Variants in ABCB1 observed in about 807,000 individuals in gnomAD.
ABCB1 encodes ATP binding cassette subfamily B member 1, also known as ATP-dependent translocase ABCB1.
A neutral mutation model predicts 142.0 loss-of-function variants in ABCB1; 69 were observed. The ratio of observed to expected loss-of-function variants is 0.49; its 90% confidence interval spans 0.40 to 0.59. ABCB1 has a LOEUF of 0.59. Among genes scored for constraint, ABCB1 ranks in the 20% least tolerant of loss-of-function variants. The probability of loss-of-function intolerance (pLI) is 0.00; values close to 1 mark genes in which losing one functional copy is unlikely to be tolerated. For missense variants in ABCB1, 1,326 were observed against 1,554.7 expected, an observed-to-expected ratio of 0.85 and a Z score of 2.47; for synonymous variants, 532 against 539.2, an observed-to-expected ratio of 0.99 and a Z score of 0.18.
intron 5 of ABCB1, among the ~76,000 whole-genome samples, chr7:87,567,731 T>C (rs1255665386): frequency 6.6e-6 from 1 of 152,162 alleles, no homozygotes; most frequent in East Asian, 1.9e-4. Flanking sequence ...AGTATTGTCT[T>C]AAAAAACAGA....
chr7:87,527,769 T>C (rs1815851240), intron 21 of ABCB1, among the ~76,000 whole-genome samples: 1 of 152,216 alleles, frequency 6.6e-6, no homozygotes, highest in African/African-American at 2.4e-5. Context: ...GGTACAACAC[T>C]TGAACTCACT....
At chr7:87,678,377 T>A (rs1352019696) in intron 1 of ABCB1, among the ~76,000 whole-genome samples, 1 of 152,256 alleles carries the variant, frequency 6.6e-6, no homozygotes, top group Non-Finnish European at 1.5e-5. Flanking sequence ...TGGTTATATA[T>A]ATTTAGTTGA....
intron 1 of ABCB1, among the ~76,000 whole-genome samples, chr7:87,695,396 CTT>C (rs1433079968): frequency 6.6e-6 from 1 of 152,002 alleles, no homozygotes; most frequent in African/African-American, 2.4e-5. Flanking sequence ...CAGTAAGAAA[CTT>C]GGGATTGCTG....
intron 23 of ABCB1, 131 bp from the exon 24 acceptor site, chr7:87,516,796 G>C (rs1231926172): frequency 1.1e-6 from 1 of 918,134 alleles, no homozygotes; most frequent in Non-Finnish European, 1.6e-6. Flanking sequence ...GAGTGCAGTA[G>C]TGCAATCAGA....
chr7:87,711,049 G>A (rs966353330), intron 1 of ABCB1, among the ~76,000 whole-genome samples: 8 of 151,858 alleles, frequency 5.3e-5, no homozygotes, highest in Non-Finnish European at 8.8e-5. Context: ...TACATTGGCC[G>A]GGCACGGTGG....
chr7:87,530,439 C>T (rs774929890), intron 21 of ABCB1, among the ~76,000 whole-genome samples: 5 of 152,066 alleles, frequency 3.3e-5, no homozygotes, highest in Non-Finnish European at 7.4e-5. Context: ...CCATGACCTG[C>T]CTGTGCCTCA....
At position 87,622,132 on chromosome 7, in the gene ABCB1, T is replaced by C. The variant is rs140448213; in HGVS notation, c.-330-21054A>G. 4.7e-3 allele frequency among the ~76,000 whole-genome samples: 710 copies of C among 152,248 alleles called. 4 individuals carry two copies. Among genetic ancestry groups the C allele is most frequent in the African/African-American group, 0.016 (684 of 41,574 alleles). ...AAAATATTGATGAATTTCATTTATATAAAATTTTTTAAACATCTCTTTATA... is the reference window on the plus strand; with the variant it reads ...AAAATATTGATGAATTTCATTTATACAAAATTTTTTAAACATCTCTTTATA... On this transcript the variant is annotated intron_variant, in intron 1 of 28. Transcript: ENST00000265724.
intron 1 of ABCB1, among the ~76,000 whole-genome samples, chr7:87,651,634 T>C (rs1317239689): frequency 6.6e-6 from 1 of 152,162 alleles, no homozygotes; most frequent in African/African-American, 2.4e-5. Flanking sequence ...AAGTTTTTTA[T>C]TATCTTTACA....
chr7:87,677,153 G>A (rs1826450588), intron 1 of ABCB1, among the ~76,000 whole-genome samples: 1 of 152,176 alleles, frequency 6.6e-6, no homozygotes, highest in Admixed American at 6.5e-5. Context: ...GATAAAATCA[G>A]TATTTGGAAG....
chr7:87,562,463 A>G (rs76495627), intron 7 of ABCB1, among the ~76,000 whole-genome samples: 1,638 of 152,270 alleles, frequency 0.011, 12 homozygotes, highest in Non-Finnish European at 0.014. Flanking sequence ...GGCTCATACA[A>G]CATGCTTTAG....
chr7:87,634,297 A>G (rs1403604741), intron 1 of ABCB1, among the ~76,000 whole-genome samples: 1 of 152,150 alleles, frequency 6.6e-6, no homozygotes, highest in Non-Finnish European at 1.5e-5. Flanking sequence ...GACCAACCAT[A>G]TACAGATTGC....
chr7:87,604,172 G>C (rs1310146602), upstream of ABCB1, among the ~76,000 whole-genome samples: 1 of 151,848 alleles, frequency 6.6e-6, no homozygotes, highest in Non-Finnish European at 1.5e-5. Context: ...TAATTCTTTT[G>C]GATGTTTTTC....
intron 2 of ABCB1, 89 bp from the exon 3 acceptor site, chr7:87,595,903 C>T (rs1458547921): frequency 2.0e-6 from 2 of 1,007,090 alleles, no homozygotes; most frequent in African/African-American, 3.2e-5. Flanking sequence ...TATTTAATGA[C>T]TAATAGGAAG....
At chr7:87,680,293 T>C (rs963288717) in intron 1 of ABCB1, among the ~76,000 whole-genome samples, 1 of 150,730 alleles carries the variant, frequency 6.6e-6, no homozygotes, top group Non-Finnish European at 1.5e-5. Flanking sequence ...ACATTTGGGT[T>C]GGTTCCAAGT....
At chr7:87,574,998 C>T (rs1000931197) in intron 4 of ABCB1, among the ~76,000 whole-genome samples, 1 of 152,128 alleles carries the variant, frequency 6.6e-6, no homozygotes, top group African/African-American at 2.4e-5. Flanking sequence ...CAAGCCAGAC[C>T]ATTTATCAAA....
chr7:87,613,257 C>CTTTTTTTTTTTTTTTTTTTTTTTT (rs67823385), intron 1 of ABCB1, among the ~76,000 whole-genome samples: 2 of 64,210 alleles, frequency 3.1e-5, no homozygotes, highest in Non-Finnish European at 2.8e-5. Context: ...TCCTTTATTT[C>CTTTTTTTTTTTTTTTTTTTTTTTT]TTTTTTTTTT....
intron 1 of ABCB1, among the ~76,000 whole-genome samples, chr7:87,705,767 G>A (rs570423751): frequency 7.2e-5 from 11 of 152,054 alleles, no homozygotes; most frequent in Non-Finnish European, 1.5e-4. Flanking sequence ...CTGCTCTTGG[G>A]TCATATGCTC....
intron 4 of ABCB1, among the ~76,000 whole-genome samples, chr7:87,574,538 C>A (rs1216639475): frequency 6.6e-6 from 1 of 152,160 alleles, no homozygotes; most frequent in East Asian, 1.9e-4. Context: ...TCCCCCATCC[C>A]CATCTTCACC....
At chr7:87,659,274 C>T (rs1824452479) in intron 1 of ABCB1, 1 of 405,636 alleles carries the variant, frequency 2.5e-6, no homozygotes, top group African/African-American at 2.1e-5. Context: ...TCTGTTTGTT[C>T]CCCCTGTTCT....
Sources: allele counts gnomAD v4.1 joint callset (sites outside exome capture counted in the v4.1 genomes callset), GRCh38; gene constraint gnomAD v4.1.1; transcripts MANE v1.5; gene names NCBI Gene and HGNC (gene_info 2026-07-23, HGNC 2026-07-21).